Variants in KHDRBS2 observed in about 807,000 individuals in gnomAD.
KHDRBS2 encodes the protein KH RNA binding domain containing, signal transduction associated 2.
In KHDRBS2, 26 loss-of-function variants were observed where a neutral mutation model predicts 44.3. The ratio of observed to expected loss-of-function variants is 0.59; its 90% CI spans 0.43 to 0.81. The LOEUF is 0.81. Ranked by LOEUF, KHDRBS2 falls within the 40% of genes least tolerant of loss-of-function variation. KHDRBS2 has a pLI of 0.00. For missense variants in KHDRBS2, 476 were observed against 433.1 expected (o/e 1.10, Z -0.88); for synonymous variants, 194 against 151.1 (o/e 1.28, Z -2.08).
intron 7 of KHDRBS2, among the ~76,000 whole-genome samples, chr6:61,699,950 T>C (rs1422186862): frequency 1.3e-5 from 2 of 152,048 alleles, no homozygotes; most frequent in Admixed American, 1.3e-4. Context: ...GGCTGGAATC[T>C]GGATGTGTAT....
At chr6:61,594,941 G>A in the KHDRBS2 span, among the ~76,000 whole-genome samples, 1 of 152,130 alleles carries the variant, frequency 6.6e-6, no homozygotes, top group Admixed American at 6.5e-5. Context: ...ATAATGAAAA[G>A]GTTTCAGAAA....
chr6:61,772,143 T>C (rs758638707), intron 6 of KHDRBS2, among the ~76,000 whole-genome samples: 19 of 151,890 alleles, frequency 1.3e-4, no homozygotes, highest in Admixed American at 2.6e-4. Flanking sequence ...AGACACAACA[T>C]TGAACACATT....
At chr6:61,561,550 C>T in the KHDRBS2 span, among the ~76,000 whole-genome samples, 1 of 152,230 alleles carries the variant, frequency 6.6e-6, no homozygotes, top group East Asian at 1.9e-4. Context: ...TAGCTGGTAC[C>T]CAAACCACAA....
At chr6:61,652,551 C>G in the KHDRBS2 span, among the ~76,000 whole-genome samples, 30,766 of 151,890 alleles carry the variant, frequency 0.2, 3,604 homozygotes, top group South Asian at 0.33. Context: ...AGGAAATGAA[C>G]AGGTTATTTG....
intron 4 of KHDRBS2, among the ~76,000 whole-genome samples, chr6:61,972,651 T>C (rs1345467544): frequency 6.6e-6 from 1 of 152,320 alleles, no homozygotes; most frequent in African/African-American, 2.4e-5. Context: ...CCTCTCTGCA[T>C]TGAACTTTGT....
At chr6:61,785,515 T>G (rs1783663903) in intron 6 of KHDRBS2, among the ~76,000 whole-genome samples, 1 of 152,042 alleles carries the variant, frequency 6.6e-6, no homozygotes, top group Non-Finnish European at 1.5e-5. Flanking sequence ...TTTGACCCTT[T>G]TTTGAAAAAT....
At chr6:61,598,537 A>C in the KHDRBS2 span, among the ~76,000 whole-genome samples, 2 of 152,206 alleles carry the variant, frequency 1.3e-5, no homozygotes, top group African/African-American at 4.8e-5. Context: ...AGAGAAAGTC[A>C]GTAAGACAGG....
chr6:61,909,825 A>G (rs1165860698), intron 4 of KHDRBS2, among the ~76,000 whole-genome samples: 1 of 152,226 alleles, frequency 6.6e-6, no homozygotes. Flanking sequence ...TGACAGGTGT[A>G]GACAGGCTAC....
rs140402679 is a variant in KHDRBS2 at position 61,845,760 on chromosome 6, T to C, written c.810+48875A>G. ...TCTGAGAAAGCCTCTCTATACACCA[T>C]TCTTTCCAAAGAACAGTAGTGTTTC... On this transcript the variant is annotated intron_variant, in intron 6 of 8. Coordinates refer to ENST00000281156, the MANE Select transcript of KHDRBS2 (RefSeq NM_152688.4). Among the ~76,000 whole-genome samples, 355 of 152,340 alleles carry C rather than the reference T, an allele frequency of 2.3e-3. 2 individuals are homozygous for C. The highest frequency in any genetic ancestry group is 4.3e-3 in the Non-Finnish European group (290 of 68,028).
chr6:61,937,412 G>A (rs1337863880), intron 4 of KHDRBS2, among the ~76,000 whole-genome samples: 1 of 151,632 alleles, frequency 6.6e-6, no homozygotes, highest in Non-Finnish European at 1.5e-5. Context: ...TACTCTTCTA[G>A]TTGTTATTTC....
the KHDRBS2 span, among the ~76,000 whole-genome samples, chr6:61,660,695 C>T: frequency 6.6e-6 from 1 of 151,734 alleles, no homozygotes; most frequent in African/African-American, 2.4e-5. Context: ...CTGTTCTACC[C>T]TACTCCATTC....
intron 4 of KHDRBS2, among the ~76,000 whole-genome samples, chr6:61,942,960 G>A (rs7750865): frequency 2.1e-5 from 3 of 144,852 alleles, no homozygotes; most frequent in Admixed American, 1.4e-4. Context: ...GAAAGAAAGA[G>A]GAGAGAGAGA....
chr6:61,797,725 TTGTGTGTGTGTGTGTG>T lies in KHDRBS2; in HGVS notation c.811-64977_811-64962del, dbSNP rs56038952. Among the ~76,000 whole-genome samples the T allele has an allele frequency of 2.9e-3, 332 of 114,820 alleles. 2 individuals are homozygous for T. Among genetic ancestry groups the T allele is most frequent in the African/African-American group, 8.6e-3 (321 of 37,276 alleles). The allele number at this position is 114,820 out of a possible 152,430, so 75.3% of individuals were successfully genotyped here. A position where few individuals can be genotyped will look rare whatever the true frequency, so the allele number is the denominator to read the frequency against. On this transcript the variant is annotated intron_variant, in intron 6 of 8. Coordinates refer to ENST00000281156, the MANE Select transcript of KHDRBS2 (RefSeq NM_152688.4). ...ACTGATACTGTGTCAGTATGGTGTT[TTGTGTGTGTGTGTGTG>T]TGTGTGTGTGTGTGTGTGTGTGTAT... is the stretch of plus-strand genomic sequence containing the variant.
chr6:61,758,150 G>T (rs1328706347), intron 6 of KHDRBS2, among the ~76,000 whole-genome samples: 3 of 152,008 alleles, frequency 2.0e-5, no homozygotes, highest in Non-Finnish European at 4.4e-5. Context: ...CTATGTCATA[G>T]ACTGGAAACT....
rs565401092 is a variant in KHDRBS2, at chr6:61,898,986, T to C, written c.611+2258A>G. Among the ~76,000 whole-genome samples, 167 of 152,072 alleles carry C rather than the reference T, an allele frequency of 1.1e-3. 1 individual carries two copies. Among genetic ancestry groups the C allele is most frequent in the Non-Finnish European group, 1.3e-3 (88 of 67,812 alleles). On this transcript the variant is annotated intron_variant, in intron 5 of 8. Transcript: ENST00000281156. The stretch of plus-strand genomic sequence containing the variant: ...AATATTTGTAGAGGGAATGATCAAT[T>C]AGTTGTGACAAACCAAACTAACATA...
chr6:61,658,697 G>A, the KHDRBS2 span, among the ~76,000 whole-genome samples: 2 of 151,870 alleles, frequency 1.3e-5, no homozygotes, highest in East Asian at 2.0e-4. Flanking sequence ...ATATGCATAC[G>A]CAGTTAAGAA....
intron 6 of KHDRBS2, among the ~76,000 whole-genome samples, chr6:61,855,335 T>G (rs1562309484): frequency 6.6e-6 from 1 of 152,060 alleles, no homozygotes; most frequent in Non-Finnish European, 1.5e-5. Context: ...AAACTGTATT[T>G]TAGTTCAAAT....
chr6:62,246,131 T>TATAA (rs1267764297), intron 1 of KHDRBS2, among the ~76,000 whole-genome samples: 1 of 138,194 alleles, frequency 7.2e-6, no homozygotes, highest in Admixed American at 7.2e-5. Context: ...TATATATATA[T>TATAA]ATATAATCAA....
chr6:62,066,135 CATT>C (rs149583364), intron 2 of KHDRBS2, among the ~76,000 whole-genome samples: 17,767 of 151,600 alleles, frequency 0.12, 1,338 homozygotes, highest in South Asian at 0.16. Context: ...TTAAAAATAT[CATT>C]ATTAAGTGAA....
Sources: gnomAD v4.1 joint callset for allele counts (sites outside exome capture counted in the v4.1 genomes callset) on GRCh38, gnomAD v4.1.1 for gene constraint, MANE v1.5 for transcripts, NCBI Gene and HGNC (gene_info 2026-07-23, HGNC 2026-07-21) for gene names.